FSIP1: variants seen among roughly 807,000 people sequenced by gnomAD.
FSIP1 encodes fibrous sheath-interacting protein 1.
A neutral mutation model predicts 60.9 loss-of-function variants in FSIP1; 65 were observed. The ratio of observed to expected loss-of-function variants is 1.07; its 90% CI spans 0.87 to 1.31. The LOEUF (loss-of-function observed/expected upper bound fraction) is 1.31. FSIP1 is among the 40% of genes most tolerant of loss of function. The pLI, the probability that FSIP1 is intolerant of heterozygous loss-of-function variation, is 0.00. For synonymous variants in FSIP1, 209 were observed against 221.2 expected (o/e 0.94, Z 0.49); for missense variants, 675 against 665.5 (o/e 1.01, Z -0.16).
At chr15:39,754,846 A>C (rs1390026681) in intron 5 of FSIP1, among the ~76,000 whole-genome samples, 3 of 152,168 alleles carry the variant, frequency 2.0e-5, no homozygotes, top group Non-Finnish European at 4.4e-5. Context: ...AGTGATGTCA[A>C]GTACAATCAA....
intron 10 of FSIP1, among the ~76,000 whole-genome samples, chr15:39,620,027 A>G (rs1012273682): frequency 6.6e-6 from 1 of 152,204 alleles, no homozygotes; most frequent in African/African-American, 2.4e-5. Flanking sequence ...CAGAAAATGA[A>G]GCAGAAGGAA....
At chr15:39,755,935 C>A (rs1897286658) in intron 5 of FSIP1, among the ~76,000 whole-genome samples, 1 of 151,990 alleles carries the variant, frequency 6.6e-6, no homozygotes, top group Non-Finnish European at 1.5e-5. Flanking sequence ...ATGATAGAAA[C>A]TAAGGGAAAA....
At chr15:39,732,789 G>A (rs1202961801) in intron 8 of FSIP1, among the ~76,000 whole-genome samples, 1 of 108,610 alleles carries the variant, frequency 9.2e-6, no homozygotes, top group African/African-American at 3.9e-5. Context: ...ATAAAGGAAA[G>A]GGCACATTTG....
chr15:39,740,113 T>C (rs550851979), intron 6 of FSIP1, among the ~76,000 whole-genome samples: 9 of 152,338 alleles, frequency 5.9e-5, no homozygotes, highest in Admixed American at 2.6e-4. Flanking sequence ...AAATCGCTGA[T>C]GTTAGGGAGA....
At chr15:39,729,790 A>G (rs1896335169) in intron 8 of FSIP1, among the ~76,000 whole-genome samples, 2 of 152,226 alleles carry the variant, frequency 1.3e-5, no homozygotes, top group Non-Finnish European at 2.9e-5. Flanking sequence ...CACAGGAATG[A>G]AAACTCAAAT....
intron 11 of FSIP1, among the ~76,000 whole-genome samples, chr15:39,606,844 G>C (rs1352404610): frequency 6.6e-6 from 1 of 152,142 alleles, no homozygotes; most frequent in Non-Finnish European, 1.5e-5. Context: ...TTAGTAGGAA[G>C]GGAGAATACT....
intron 2 of FSIP1, among the ~76,000 whole-genome samples, chr15:39,773,881 G>A (rs1897968972): frequency 6.6e-6 from 1 of 152,092 alleles, no homozygotes; most frequent in African/African-American, 2.4e-5. Flanking sequence ...ATCTGCAAAG[G>A]AATAGAATGA....
downstream of FSIP1, chr15:39,597,952 T>A (rs574937582): frequency 1.3e-5 from 2 of 152,322 alleles, no homozygotes; most frequent in South Asian, 4.1e-4. Context: ...CCTTGCAATG[T>A]TGAGCCAAGC....
intron 3 of FSIP1, among the ~76,000 whole-genome samples, chr15:39,766,879 A>G (rs945412756): frequency 2.6e-5 from 4 of 152,128 alleles, no homozygotes; most frequent in Non-Finnish European, 5.9e-5. Flanking sequence ...TCATTCTGTC[A>G]CTCAGGCTGA....
At position 39,675,477 on chromosome 15, in the gene FSIP1, T is replaced by C. The variant is rs549556248; in HGVS notation, c.1188+37967A>G. On this transcript the variant is annotated intron_variant, in intron 10 of 11. Transcript: ENST00000350221. ...ATTTGAGAAAATGCAGAAATAAATTTAGGTACATTCTCACTATGGAATGTT... is the reference window on the plus strand; with the variant it reads ...ATTTGAGAAAATGCAGAAATAAATTCAGGTACATTCTCACTATGGAATGTT... Among the ~76,000 whole-genome samples the C allele has an allele frequency of 2.0e-5, 3 of 152,250 alleles. No homozygotes were observed. In the East Asian group the frequency reaches 5.8e-4, roughly 29 times the overall value.
intron 11 of FSIP1, among the ~76,000 whole-genome samples, chr15:39,614,632 A>G (rs1595532732): frequency 2.8e-5 from 4 of 142,266 alleles, no homozygotes; most frequent in African/African-American, 1.1e-4. Flanking sequence ...GTGACAGGGC[A>G]AGACTCCATC....
intron 5 of FSIP1, among the ~76,000 whole-genome samples, chr15:39,761,075 T>C (rs1309238624): frequency 1.3e-5 from 2 of 152,024 alleles, no homozygotes; most frequent in Non-Finnish European, 2.9e-5. Context: ...AAAAGATAAA[T>C]TGTTGGTGAG....
chr15:39,731,560 A>G (rs1041902786), intron 8 of FSIP1, among the ~76,000 whole-genome samples: 3 of 152,240 alleles, frequency 2.0e-5, no homozygotes, highest in Non-Finnish European at 4.4e-5. Flanking sequence ...CCAGAAATGT[A>G]TATGTTTTAT....
chr15:39,686,181 A>T (rs1894367227), intron 10 of FSIP1, among the ~76,000 whole-genome samples: 1 of 152,202 alleles, frequency 6.6e-6, no homozygotes, highest in Admixed American at 6.5e-5. Context: ...CCCAATTTCC[A>T]CTGGCAAGAA....
intron 10 of FSIP1, among the ~76,000 whole-genome samples, chr15:39,641,712 C>T (rs2898686): frequency 0.18 from 27,540 of 152,004 alleles, 3,037 homozygotes; most frequent in East Asian, 0.32. Flanking sequence ...TTACCATTTA[C>T]ATGATTTAAG....
intron 11 of FSIP1, among the ~76,000 whole-genome samples, chr15:39,606,264 T>C (rs941233323): frequency 2.0e-5 from 3 of 152,272 alleles, no homozygotes; most frequent in Admixed American, 1.3e-4. Context: ...TTGGCCACTA[T>C]AGTTTTCATT....
intron 10 of FSIP1, among the ~76,000 whole-genome samples, chr15:39,657,434 A>G (rs1893114962): frequency 6.6e-6 from 1 of 151,766 alleles, no homozygotes; most frequent in African/African-American, 2.4e-5. Flanking sequence ...AACACTCTCC[A>G]ACAAAAACAA....
chr15:39,746,149 C>A (rs1173219605), intron 5 of FSIP1, among the ~76,000 whole-genome samples: 1 of 151,968 alleles, frequency 6.6e-6, no homozygotes, highest in Non-Finnish European at 1.5e-5. Context: ...CATTCAACGA[C>A]CTAATGTTCT....
At chr15:39,643,976 A>G (rs2140423875) in intron 10 of FSIP1, among the ~76,000 whole-genome samples, 1 of 152,348 alleles carries the variant, frequency 6.6e-6, no homozygotes, top group African/African-American at 2.4e-5. Context: ...TGTACCCTAC[A>G]TAGTTTATAA....
Sources: allele counts gnomAD v4.1 joint callset (sites outside exome capture counted in the v4.1 genomes callset), GRCh38; gene constraint gnomAD v4.1.1; transcripts MANE v1.5; gene names NCBI Gene and HGNC (gene_info 2026-07-23, HGNC 2026-07-21).